Variants in WNK1 observed in about 807,000 individuals in gnomAD.
The protein encoded by WNK1 is WNK lysine deficient protein kinase 1.
WNK1 carries 38 observed loss-of-function variants against 222.8 expected under a neutral mutation model. That is an observed-to-expected ratio of 0.17 (90% CI 0.13 to 0.22). The LOEUF is 0.22. Among genes scored for constraint, WNK1 ranks in the 10% least tolerant of loss-of-function variants. The pLI is 1.00. For synonymous variants in WNK1, 1,090 were observed against 1,092.9 expected (o/e 1.00, Z 0.05); for missense variants, 2,348 against 2,918.4 (o/e 0.80, Z 4.50).
intron 1 of WNK1, among the ~76,000 whole-genome samples, chr12:796,530 C>T (rs1403271732): frequency 6.6e-6 from 1 of 152,212 alleles, no homozygotes; most frequent in Admixed American, 6.5e-5. Flanking sequence ...CCCACCTTGG[C>T]CTCCCAAAGT....
rs949556621 is a variant in WNK1, at chr12:885,636, C to G, written c.4832C>G (p.Pro1611Arg). ...TTGGTACAGCCTGTTGCCAATGTGC[C>G]TGCTGTACAGCAGACACTAATTCAT... Reference protein sequence around the residue: ...PPLVQPVANVPAVQQTLIHSQ... With the variant: ...PPLVQPVANVRAVQQTLIHSQ... The change falls in exon 19 of 28, where the codon CCT (proline) becomes CGT (arginine). Residue 1611 changes from proline (P) to arginine (R), a missense_variant. Pro to Arg is a moderately radical substitution (Grantham distance 103). Coordinates refer to ENST00000315939, the MANE Select transcript of WNK1 (RefSeq NM_018979.4). 9 of 1,614,058 alleles carry G rather than the reference C, an allele frequency of 5.6e-6. No individual in the cohort carries two copies. The highest frequency in any genetic ancestry group is 7.6e-6 in the Non-Finnish European group (9 of 1,180,038).
chr12:858,579 T>C (rs1373662346), intron 5 of WNK1, among the ~76,000 whole-genome samples: 1 of 152,168 alleles, frequency 6.6e-6, no homozygotes, highest in East Asian at 1.9e-4. Flanking sequence ...GACTTCTGCT[T>C]GCCCAGTACA....
At chr12:858,816 G>A (rs553840120) in intron 5 of WNK1, among the ~76,000 whole-genome samples, 1 of 152,206 alleles carries the variant, frequency 6.6e-6, no homozygotes, top group African/African-American at 2.4e-5. Flanking sequence ...TAAATATGAA[G>A]ATTTGTGTTA....
In WNK1 at chr12:752,944, A is replaced by T. The variant is rs554330874; in HGVS notation, c.-622A>T. The T allele has an allele frequency of 1.3e-5, 2 of 152,104 alleles. No individual in the cohort carries two copies. The highest frequency in any genetic ancestry group is 3.9e-4 in the East Asian group (2 of 5,148). 9.4% of individuals were successfully genotyped at this position (152,104 alleles called of 1,614,324 possible). ...GGCTCCGGCCCTTCGCCTCTGGGCG[A>T]TGGGCGACCTGTGAGGCCGGTCCCC... On this transcript the variant is annotated 5_prime_UTR_variant, in exon 1 of 28. It removes an upstream start codon present in the reference 5' UTR. Coordinates refer to ENST00000315939, the MANE Select transcript of WNK1 (RefSeq NM_018979.4).
At chr12:798,593 T>G (rs12823330) in intron 1 of WNK1, among the ~76,000 whole-genome samples, 18,430 of 152,108 alleles carry the variant, frequency 0.12, 1,457 homozygotes, top group Middle Eastern at 0.19. Context: ...TGATCTGAAC[T>G]TACTGCTTTC....
intron 1 of WNK1, among the ~76,000 whole-genome samples, chr12:800,665 TTGTC>T (rs1471335446): frequency 2.0e-5 from 3 of 152,144 alleles, no homozygotes; most frequent in Non-Finnish European, 2.9e-5. Flanking sequence ...TATTTAGAGT[TTGTC>T]TGTATTTAGA....
chr12:776,002 G>A (rs977873062), intron 1 of WNK1, among the ~76,000 whole-genome samples: 1 of 152,130 alleles, frequency 6.6e-6, no homozygotes, highest in Non-Finnish European at 1.5e-5. Context: ...TTACCTTGTA[G>A]TGCACGTTAA....
In WNK1 at chr12:767,234, G is replaced by GTTTTTT. The variant is rs71051382; in HGVS notation, c.759+12940_759+12945dup. Among the ~76,000 whole-genome samples, 165 of 70,884 alleles carry GTTTTTT rather than the reference G, an allele frequency of 2.3e-3. 21 individuals are homozygous for GTTTTTT. Among genetic ancestry groups the GTTTTTT allele is most frequent in the African/African-American group, 8.8e-3 (138 of 15,764 alleles). 46.5% of individuals were successfully genotyped at this position (70,884 alleles called of 152,430 possible). The stretch of plus-strand genomic sequence containing the variant: ...TGTGGCAGACTTTCTGGGTTGATAG[G>GTTTTTT]TTTTTTTTTTTTTTTTTTTTTTTTT... On this transcript the variant is annotated intron_variant, in intron 1 of 27. Transcript: ENST00000315939.
chr12:880,951 G>A lies in WNK1; in HGVS notation c.3063G>A (p.Gly1021=), dbSNP rs762559783. 1.7e-5 allele frequency: 28 copies of A among 1,614,030 alleles called. No homozygotes were observed. The highest frequency in any genetic ancestry group is 1.9e-5 in the Non-Finnish European group (22 of 1,180,040). ...AGGTTCAAGTGTCCCAGCCAGGAGG[G>A]AGTTTAGCACAAGCCCCCACTACAT... ...GGQVQVSQPG[G]SLAQAPTTSS... is the part of the protein sequence containing the mutation. The change falls in exon 12 of 28, where the codon GGG becomes GGA. Residue 1021 remains glycine, a synonymous_variant. Coordinates refer to ENST00000315939, the MANE Select transcript of WNK1 (RefSeq NM_018979.4).
At chr12:871,081 A>G (rs886858118) in intron 8 of WNK1, among the ~76,000 whole-genome samples, 184 bp from the exon 9 acceptor site, 9 of 152,222 alleles carry the variant, frequency 5.9e-5, no homozygotes, top group African/African-American at 2.2e-4. Context: ...GTTGTGTGGT[A>G]TGATCCTTTT....
At chr12:797,874 G>A (rs539221689) in intron 1 of WNK1, among the ~76,000 whole-genome samples, 70 of 150,942 alleles carry the variant, frequency 4.6e-4, no homozygotes, top group South Asian at 6.3e-4. Flanking sequence ...GCTTGAACCC[G>A]GGAAGTGGAG....
intron 1 of WNK1, among the ~76,000 whole-genome samples, chr12:762,695 TCCAGTAGTCC>T (rs1941187591): frequency 6.8e-6 from 1 of 147,384 alleles, no homozygotes; most frequent in Non-Finnish European, 1.5e-5. Context: ...GTGTAGAGAT[TCCAGTAGTCC>T]CCACTCTTCT....
At position 884,326 on chromosome 12, in the gene WNK1, T is replaced by C; in HGVS notation, c.3844+83T>C. The C allele has an allele frequency of 1.9e-6, 3 of 1,581,264 alleles. No homozygotes were observed. Among genetic ancestry groups the C allele is most frequent in the Non-Finnish European group, 2.6e-6 (3 of 1,152,298 alleles). ...GAAAGCTTAATCATAAAGCAGTAAT[T>C]TATGATGACACAGATAATAAAAAAG... On this transcript the variant is annotated intron_variant, in intron 18 of 27. Transcript: ENST00000315939. The surrounding 1 kb of genome is among the most constrained non-coding windows in gnomAD (Gnocchi z 5.6).
At chr12:834,342 G>C (rs1949024246) in intron 4 of WNK1, among the ~76,000 whole-genome samples, 1 of 152,188 alleles carries the variant, frequency 6.6e-6, no homozygotes, top group Non-Finnish European at 1.5e-5. Context: ...TCTGACTGCT[G>C]ATATGTGTTT....
In WNK1 at chr12:911,411, T is replaced by G. The variant is rs1956077281; in HGVS notation, c.*2619T>G. The G allele has an allele frequency of 2.5e-6, 1 of 398,294 alleles. No homozygotes were observed. Among genetic ancestry groups the G allele is most frequent in the African/African-American group, 2.1e-5 (1 of 48,638 alleles). 24.7% of individuals were successfully genotyped at this position (398,294 alleles called of 1,614,324 possible). ...TCAGTTTGTTACCTTTGTAGACTTA[T>G]TTAATGAAACCATTCAAATAAACCA... On this transcript the variant is annotated 3_prime_UTR_variant, in exon 28 of 28. Transcript: ENST00000315939.
chr12:842,363 A>T (rs1949691690), intron 4 of WNK1, among the ~76,000 whole-genome samples: 1 of 152,242 alleles, frequency 6.6e-6, no homozygotes, highest in African/African-American at 2.4e-5. Context: ...AGCAGAAAAC[A>T]ATAATAGGTA....
Position 911,076 on chromosome 12 carries a change from CAA to C in WNK1, c.*2290_*2291del. The C allele has an allele frequency of 5.2e-6, 2 of 385,362 alleles. No homozygotes were observed. The highest frequency in any genetic ancestry group is 9.1e-6 in the Non-Finnish European group (2 of 218,914). 23.9% of individuals were successfully genotyped at this position (385,362 alleles called of 1,614,324 possible). On this transcript the variant is annotated 3_prime_UTR_variant, in exon 28 of 28. Transcript: ENST00000315939. ...ATTTTGACATCTTTTCACTCATACA[CAA>C]AAAAAGTCAGAACTGGTGTTATTTA...
chr12:844,064 T>C (rs1736693390), intron 4 of WNK1, among the ~76,000 whole-genome samples: 1 of 152,232 alleles, frequency 6.6e-6, no homozygotes, highest in South Asian at 2.1e-4. Context: ...TATATTATTA[T>C]AGCATTTATA....
At chr12:771,522 C>T (rs546444818) in intron 1 of WNK1, among the ~76,000 whole-genome samples, 2 of 152,192 alleles carry the variant, frequency 1.3e-5, no homozygotes, top group East Asian at 1.9e-4. Flanking sequence ...TCTTATTCTG[C>T]CCCCTGGGTT....
Sources: allele counts gnomAD v4.1 joint callset (sites outside exome capture counted in the v4.1 genomes callset), GRCh38; gene constraint gnomAD v4.1.1; non-coding constraint Gnocchi (gnomAD v3.1); transcripts MANE v1.5; gene names NCBI Gene and HGNC (gene_info 2026-07-23, HGNC 2026-07-21).